Variants in TP53BP2 observed in about 807,000 individuals in gnomAD.
TP53BP2 encodes the protein tumor protein p53 binding protein 2.
TP53BP2 carries 62 observed loss-of-function variants against 126.2 expected under a neutral mutation model. The observed-to-expected ratio is 0.49, with a 90% CI of 0.40 to 0.61. TP53BP2 has a LOEUF of 0.61. Ranked by LOEUF, TP53BP2 falls within the 20% of genes least tolerant of loss-of-function variation. TP53BP2 has a pLI of 0.00. For synonymous variants in TP53BP2, 485 were observed against 502.9 expected, an observed-to-expected ratio of 0.96 and a Z score of 0.48; for missense variants, 1,215 against 1,402.8, an observed-to-expected ratio of 0.87 and a Z score of 2.14.
Position 223,784,312 on chromosome 1 carries a change from C to A in TP53BP2, c.3166G>T (p.Val1056Phe). The A allele has an allele frequency of 6.2e-7, 1 of 1,614,032 alleles. No individual in the cohort carries two copies. Among genetic ancestry groups the A allele is most frequent in the Non-Finnish European group, 8.5e-7 (1 of 1,179,956 alleles). ...YTQCSQFLYG[V>F]QEKMGIMNKG... ...TTCATTATGCCCATCTTCTCCTGAA[C>A]TCCTAAAATCATGACAGTAAGATAA... Residue 1056 changes from valine (V) to phenylalanine (F), a missense_variant and splice_region_variant, in exon 17 of 18, where the codon GTT (valine) becomes TTT (phenylalanine). Val to Phe is a conservative substitution (Grantham distance 50). This residue lies in a region of TP53BP2 where 151 missense variants were observed against 231.2 expected (regional missense o/e 0.65). Transcript: ENST00000343537.
intron 16 of TP53BP2, among the ~76,000 whole-genome samples, chr1:223,785,868 A>G (rs1486593226): frequency 1.4e-4 from 22 of 152,156 alleles, no homozygotes; most frequent in Admixed American, 1.4e-3. Context: ...CAAGAGTCAA[A>G]GAGAACGTGG....
chr1:223,842,889 T>C (rs1199098717), intron 1 of TP53BP2, among the ~76,000 whole-genome samples: 1 of 152,208 alleles, frequency 6.6e-6, no homozygotes, highest in African/African-American at 2.4e-5. Context: ...ATGTCAAGTA[T>C]GAAAGTAAAA....
At chr1:223,786,610 ATT>A (rs35631028) in intron 16 of TP53BP2, among the ~76,000 whole-genome samples, 1 of 87,360 alleles carries the variant, frequency 1.1e-5, no homozygotes, top group Admixed American at 1.0e-4. Context: ...GTGTGTGTAT[ATT>A]TTTTTTTCCC....
chr1:223,804,938 C>A (rs1029737781), intron 5 of TP53BP2, among the ~76,000 whole-genome samples: 1 of 152,158 alleles, frequency 6.6e-6, no homozygotes, highest in Admixed American at 6.5e-5. Flanking sequence ...AATAAATGGT[C>A]ACTGAAAAGA....
In TP53BP2 at chr1:223,795,302, C is replaced by G. The variant is rs913747798; in HGVS notation, c.2724+513G>C. Among the ~76,000 whole-genome samples, 3 of 152,342 alleles carry G rather than the reference C, an allele frequency of 2.0e-5. No homozygotes were observed. The East Asian group carries it at 5.8e-4, about 29-fold the overall frequency. ...GAGGCTGAAGAGGGGCCCCTCAGCC[C>G]AGTTACCCCTCCCTGCCCTCACTCC... On this transcript the variant is annotated intron_variant, in intron 13 of 17. Transcript: ENST00000343537.
chr1:223,792,254 A>C (rs1662178274), intron 15 of TP53BP2, 135 bp downstream of exon 15: 2 of 996,076 alleles, frequency 2.0e-6, no homozygotes, highest in Non-Finnish European at 2.9e-6. Flanking sequence ...TAGATACCAC[A>C]TTTCTCCAGC....
intron 2 of TP53BP2, among the ~76,000 whole-genome samples, chr1:223,820,785 T>C (rs931009831): frequency 4.6e-5 from 7 of 152,154 alleles, no homozygotes; most frequent in African/African-American, 1.7e-4. Flanking sequence ...TACAGAAGGA[T>C]TGATTTCAAG....
chr1:223,804,453 G>T, intron 5 of TP53BP2, 105 bp from the exon 6 acceptor site: 1 of 1,036,688 alleles, frequency 9.6e-7, no homozygotes, highest in Non-Finnish European at 1.4e-6. Context: ...AGGTACACTT[G>T]TAACCCTGGT....
intron 16 of TP53BP2, 107 bp from the exon 17 acceptor site, chr1:223,784,421 G>C: frequency 3.1e-6 from 3 of 980,816 alleles, no homozygotes; most frequent in Non-Finnish European, 4.7e-6. Context: ...GTACAGGCTG[G>C]AATGTTAGTA....
In TP53BP2 at chr1:223,780,761, A is replaced by G. The variant is rs759392060; in HGVS notation, c.*92T>C. The G allele has an allele frequency of 9.8e-5, 120 of 1,227,366 alleles. No homozygotes were observed. Among genetic ancestry groups the G allele is most frequent in the African/African-American group, 1.8e-4 (12 of 66,124 alleles). The allele number at this position is 1,227,366 out of a possible 1,614,324, so 76.0% of individuals were successfully genotyped here. ...GCTTTCAAGCTACATTGTCATTAAA[A>G]TAAGTCTTGTGAAATTTTTGCCAAA... is the stretch of plus-strand genomic sequence containing the variant. On this transcript the variant is annotated 3_prime_UTR_variant, in exon 18 of 18. Transcript: ENST00000343537.
intron 13 of TP53BP2, among the ~76,000 whole-genome samples, chr1:223,794,407 T>G (rs192552054): frequency 1.1e-3 from 166 of 152,330 alleles, no homozygotes; most frequent in Non-Finnish European, 2.0e-3. Flanking sequence ...TTAATACAAG[T>G]CATAAGCAGT....
intron 1 of TP53BP2, among the ~76,000 whole-genome samples, chr1:223,823,686 A>G (rs1663394572): frequency 6.6e-6 from 1 of 152,202 alleles, no homozygotes; most frequent in South Asian, 2.1e-4. Flanking sequence ...TAAATCATTG[A>G]AAAAATAAAA....
intron 1 of TP53BP2, among the ~76,000 whole-genome samples, chr1:223,837,482 G>A (rs772170945): frequency 6.6e-6 from 1 of 152,088 alleles, no homozygotes; most frequent in African/African-American, 2.4e-5. Context: ...TTCCAACCCC[G>A]GGTAAGTGCT....
chr1:223,782,130 T>G (rs1319210355), intron 17 of TP53BP2, among the ~76,000 whole-genome samples: 1 of 152,192 alleles, frequency 6.6e-6, no homozygotes, highest in Non-Finnish European at 1.5e-5. Flanking sequence ...AAATCACTAA[T>G]AGATGTTCTC....
chr1:223,815,922 G>A (rs1365265586), intron 2 of TP53BP2, among the ~76,000 whole-genome samples: 2 of 152,156 alleles, frequency 1.3e-5, no homozygotes, highest in Admixed American at 6.5e-5. Context: ...GTGTGTAGTA[G>A]GCTATACCAT....
At position 223,796,286 on chromosome 1, in the gene TP53BP2, AT is replaced by A. The variant is rs758744664; in HGVS notation, c.2252del (p.Asn751MetfsTer15). ...RSSITEPEGPNGPNIQKLLYQ... is the reference protein window; with the variant it reads ...RSSITEPEGPXGPNIQKLLYQ... ...ATAAAAGCTTCTGAATATTTGGCCC[AT>A]TAGGACCCTCTGGCTCTGTAATAGA... On this transcript the variant is annotated frameshift_variant, in exon 13 of 18. Coordinates refer to ENST00000343537, the MANE Select transcript of TP53BP2 (RefSeq NM_001031685.3). LOFTEE classifies it high-confidence loss of function. This position sits in a 1 kb window ranked among gnomAD's most constrained non-coding sequence, Gnocchi z 4.2. The A allele has an allele frequency of 6.2e-7, 1 of 1,614,174 alleles. No individual in the cohort carries two copies. The highest frequency in any genetic ancestry group is 1.7e-5 in the Admixed American group (1 of 60,026).
chr1:223,841,218 G>A (rs1159426433), intron 1 of TP53BP2, among the ~76,000 whole-genome samples: 1 of 149,132 alleles, frequency 6.7e-6, no homozygotes, highest in Non-Finnish European at 1.5e-5. Flanking sequence ...ACTCCAGCCT[G>A]GACTACAGAG....
intron 1 of TP53BP2, among the ~76,000 whole-genome samples, chr1:223,835,262 C>A (rs926184976): frequency 6.6e-6 from 1 of 152,220 alleles, no homozygotes; most frequent in African/African-American, 2.4e-5. Context: ...GAAACCTTTT[C>A]TCTTCTTTCA....
chr1:223,816,881 CAGGCACAG>C (rs1397931385), intron 2 of TP53BP2, among the ~76,000 whole-genome samples: 1 of 151,222 alleles, frequency 6.6e-6, no homozygotes, highest in Admixed American at 6.6e-5. Context: ...GTGGCCTGGC[CAGGCACAG>C]TGGCTCACAC....
Sources: gnomAD v4.1 joint callset for allele counts (sites outside exome capture counted in the v4.1 genomes callset) on GRCh38, gnomAD v4.1.1 for gene constraint, gnomAD v4.1.1 regional missense constraint, Gnocchi (gnomAD v3.1) non-coding constraint, MANE v1.5 for transcripts, NCBI Gene and HGNC (gene_info 2026-07-23, HGNC 2026-07-21) for gene names.